The following MARK1 variants were observed in gnomAD, a reference collection of about 807,000 sequenced individuals.
MARK1 encodes the protein microtubule affinity regulating kinase 1, also known as serine/threonine-protein kinase MARK1.
Under a neutral mutation model 96.3 loss-of-function variants are expected in MARK1, and 40 were observed. The observed-to-expected ratio is 0.42, with a 90% confidence interval of 0.32 to 0.54. The LOEUF is 0.54. Among genes scored for constraint, MARK1 ranks in the 20% least tolerant of loss-of-function variants. The pLI, the probability that MARK1 is intolerant of heterozygous loss-of-function variation, is 0.16. For missense variants in MARK1, 719 were observed against 984.6 expected (o/e 0.73, Z 3.61); for synonymous variants, 317 against 341.2 (o/e 0.93, Z 0.78).
chr1:220,631,858 G>T (rs892071919), intron 10 of MARK1, among the ~76,000 whole-genome samples: 9 of 152,174 alleles, frequency 5.9e-5, no homozygotes, highest in Non-Finnish European at 1.2e-4. Flanking sequence ...AGCTGAGGAC[G>T]AATTGAGAGA....
chr1:220,648,766 G>A (rs1030476822), intron 13 of MARK1, among the ~76,000 whole-genome samples: 1 of 152,158 alleles, frequency 6.6e-6, no homozygotes, highest in South Asian at 2.1e-4. Context: ...TTTTATATTG[G>A]TACATTTGGT....
intron 7 of MARK1, 104 bp downstream of exon 7, chr1:220,616,099 G>A (rs1039184865): frequency 1.3e-5 from 7 of 542,344 alleles, no homozygotes; most frequent in Non-Finnish European, 1.6e-5. Context: ...CTGTGCTGCT[G>A]GACACTATAC....
chr1:220,545,982 CT>C (rs1296091094), intron 1 of MARK1, among the ~76,000 whole-genome samples: 1 of 152,146 alleles, frequency 6.6e-6, no homozygotes, highest in Non-Finnish European at 1.5e-5. Context: ...AGATATCACC[CT>C]TGATATCTGA....
At chr1:220,609,926 G>A (rs113140781) in intron 6 of MARK1, among the ~76,000 whole-genome samples, 5 of 152,320 alleles carry the variant, frequency 3.3e-5, no homozygotes, top group African/African-American at 1.2e-4. Context: ...TCCTCTGTTA[G>A]TCTGATGGGC....
chr1:220,569,407 A>T (rs1246290601), intron 1 of MARK1, among the ~76,000 whole-genome samples: 1 of 152,036 alleles, frequency 6.6e-6, no homozygotes, highest in Admixed American at 6.6e-5. Context: ...ACTTTTTTTT[A>T]GTGACTTCTA....
intron 3 of MARK1, among the ~76,000 whole-genome samples, chr1:220,584,722 A>G (rs113990985): frequency 0.019 from 2,925 of 152,366 alleles, 41 homozygotes; most frequent in Middle Eastern, 0.044. Context: ...AATTCAATAT[A>G]TTTTAGCAAA....
intron 13 of MARK1, among the ~76,000 whole-genome samples, chr1:220,645,769 T>C (rs545461196): frequency 6.6e-6 from 1 of 152,300 alleles, no homozygotes; most frequent in Non-Finnish European, 1.5e-5. Context: ...TCAATAAATG[T>C]AATCAGTCAC....
rs1219260111 is a variant in MARK1, at chr1:220,618,821, A to AT, written c.909+71dup. Reference sequence around the variant, plus strand: ...TAAAATATTCCAGGAACCGAAGAGCATTTTTCTCCTATGTTTTCTTAGGAA... The same window carrying AT: ...TAAAATATTCCAGGAACCGAAGAGCATTTTTTCTCCTATGTTTTCTTAGGAA... On this transcript the variant is annotated intron_variant, in intron 9 of 17. Transcript: ENST00000366917. The surrounding 1 kb of genome is among the most constrained non-coding windows in gnomAD (Gnocchi z 4.6). 28 of 1,372,338 alleles carry AT rather than the reference A, an allele frequency of 2.0e-5. No homozygotes were observed. The highest frequency in any genetic ancestry group is 2.4e-5 in the Non-Finnish European group (24 of 1,019,140). 85.0% of individuals were successfully genotyped at this position (1,372,338 alleles called of 1,614,324 possible). A position where few individuals can be genotyped will look rare whatever the true frequency, so the allele number is the denominator to read the frequency against.
chr1:220,635,313 GTT>G (rs1667889510), intron 11 of MARK1, 61 bp from the exon 12 acceptor site: 2 of 1,435,410 alleles, frequency 1.4e-6, no homozygotes, highest in Non-Finnish European at 1.9e-6. Flanking sequence ...AGAGTGCAGT[GTT>G]TGTGCAAACT....
At chr1:220,531,225 C>A (rs1235830137) in intron 1 of MARK1, among the ~76,000 whole-genome samples, 2 of 152,092 alleles carry the variant, frequency 1.3e-5, no homozygotes, top group Admixed American at 1.3e-4. Context: ...AAGTAACAAG[C>A]CTGCTTGTTA....
intron 13 of MARK1, among the ~76,000 whole-genome samples, chr1:220,641,920 C>T (rs571030106): frequency 7.2e-5 from 11 of 152,312 alleles, no homozygotes; most frequent in Middle Eastern, 3.4e-3. Flanking sequence ...ACTCATGGAT[C>T]GGGAGATTCC....
At position 220,663,563 on chromosome 1, in the gene MARK1, A is replaced by C. The variant is rs960045358; in HGVS notation, c.*1397A>C. The C allele has an allele frequency of 6.6e-6, 1 of 152,610 alleles. No individual in the cohort carries two copies. Among genetic ancestry groups the C allele is most frequent in the African/African-American group, 2.4e-5 (1 of 41,450 alleles). 9.5% of individuals were successfully genotyped at this position (152,610 alleles called of 1,614,324 possible). Reference sequence around the variant, plus strand: ...CATCTGCACACTCCTGAAAAACAGAAAGTGTATTCAAATTTTATCAGTTTA... The same window carrying C: ...CATCTGCACACTCCTGAAAAACAGACAGTGTATTCAAATTTTATCAGTTTA... On this transcript the variant is annotated 3_prime_UTR_variant, in exon 18 of 18. Coordinates refer to ENST00000366917, the MANE Select transcript of MARK1 (RefSeq NM_018650.5).
chr1:220,615,960 T>G lies in MARK1; in HGVS notation c.517T>G (p.Cys173Gly). The change falls in exon 7 of 18, where the codon TGT (cysteine) becomes GGT (glycine). Residue 173 changes from cysteine (C) to glycine (G), a missense_variant. Physicochemically the swap from Cys to Gly is radical, Grantham distance 159. Transcript: ENST00000366917. ...CCAGATTGTATCTGCTGTACAGTAT[T>G]GTCATCAAAAGTACATTGTTCACCG... ...FRQIVSAVQY[C>G]HQKYIVHRDL... 6.4e-7 allele frequency: 1 copy of G among 1,565,100 alleles called. No homozygotes were observed. The highest frequency in any genetic ancestry group is 8.7e-7 in the Non-Finnish European group (1 of 1,143,394).
At chr1:220,586,001 A>ACGCG (rs1284267502) in intron 3 of MARK1, among the ~76,000 whole-genome samples, 1 of 34,728 alleles carries the variant, frequency 2.9e-5, no homozygotes, top group African/African-American at 5.0e-5. Context: ...ACACACACAC[A>ACGCG]CACACACACA....
At chr1:220,570,469 C>T (rs999102744) in intron 1 of MARK1, among the ~76,000 whole-genome samples, 13 of 152,066 alleles carry the variant, frequency 8.5e-5, no homozygotes, top group Non-Finnish European at 2.9e-5. Flanking sequence ...ATATCTAATA[C>T]TACTGCTTTG....
rs1666859063 is a variant in MARK1, at chr1:220,618,110, T to G, written c.553-200T>G. Reference sequence around the variant, plus strand: ...ATGCATATAAAGAGAGCTTTCCTTATGTAGTGTTAAAATTTAGTCTTATGT... The same window carrying G: ...ATGCATATAAAGAGAGCTTTCCTTAGGTAGTGTTAAAATTTAGTCTTATGT... On this transcript the variant is annotated intron_variant, in intron 7 of 17. Transcript: ENST00000366917. This position sits in a 1 kb window ranked among gnomAD's most constrained non-coding sequence, Gnocchi z 4.6. Among the ~76,000 whole-genome samples the G allele has an allele frequency of 6.6e-6, 1 of 152,228 alleles. No homozygotes were observed. The highest frequency in any genetic ancestry group is 1.9e-4 in the East Asian group (1 of 5,202).
At chr1:220,533,432 ATTG>A (rs148428907) in intron 1 of MARK1, among the ~76,000 whole-genome samples, 2 of 151,942 alleles carry the variant, frequency 1.3e-5, no homozygotes, top group South Asian at 2.1e-4. Context: ...AGTTATTATT[ATTG>A]TTATTATTTT....
chr1:220,587,583 T>G (rs1664727193), intron 3 of MARK1, among the ~76,000 whole-genome samples: 1 of 152,114 alleles, frequency 6.6e-6, no homozygotes, highest in Admixed American at 6.5e-5. Context: ...TTGGCCAGGC[T>G]GGTCTTGAAC....
intron 14 of MARK1, among the ~76,000 whole-genome samples, chr1:220,651,219 G>T (rs1341387080): frequency 6.6e-6 from 1 of 152,060 alleles, no homozygotes; most frequent in South Asian, 2.1e-4. Flanking sequence ...CTTAAAAGAT[G>T]TGTCTTCTTT....
Sources: gnomAD v4.1 joint callset for allele counts (sites outside exome capture counted in the v4.1 genomes callset) on GRCh38, gnomAD v4.1.1 for gene constraint, Gnocchi (gnomAD v3.1) non-coding constraint, MANE v1.5 for transcripts, NCBI Gene and HGNC (gene_info 2026-07-23, HGNC 2026-07-21) for gene names.